Variants in MPPED2 observed in about 807,000 individuals in gnomAD.
The protein encoded by MPPED2 is metallophosphoesterase MPPED2.
MPPED2 carries 5 observed loss-of-function variants against 33.0 expected under a neutral mutation model. The ratio of observed to expected loss-of-function variants is 0.15; its 90% CI spans 0.08 to 0.32. The LOEUF (loss-of-function observed/expected upper bound fraction) is 0.32. Ranked by LOEUF, MPPED2 falls within the 10% of genes least tolerant of loss-of-function variation. The probability of loss-of-function intolerance (pLI) is 1.00; values close to 1 mark genes in which losing one functional copy is unlikely to be tolerated. For synonymous variants in MPPED2, 136 were observed against 141.9 expected (o/e 0.96, Z 0.29); for missense variants, 275 against 372.1 (o/e 0.74, Z 2.15).
intron 6 of MPPED2, among the ~76,000 whole-genome samples, chr11:30,394,694 T>C (rs980148782): frequency 1.3e-5 from 2 of 152,214 alleles, no homozygotes; most frequent in African/African-American, 4.8e-5. Context: ...TTTCTCCCAC[T>C]CTGTAATTTG....
intron 4 of MPPED2, among the ~76,000 whole-genome samples, chr11:30,445,904 C>T (rs1211317781): frequency 6.6e-6 from 1 of 152,194 alleles, no homozygotes; most frequent in Non-Finnish European, 1.5e-5. Flanking sequence ...AATAATGCTG[C>T]TATGAACCTG....
chr11:30,412,479 G>A (rs1948152045), intron 6 of MPPED2, among the ~76,000 whole-genome samples: 1 of 152,022 alleles, frequency 6.6e-6, no homozygotes, highest in Admixed American at 6.6e-5. Flanking sequence ...TAAAAACATA[G>A]CTGTGAAAAA....
intron 2 of MPPED2, among the ~76,000 whole-genome samples, chr11:30,575,326 T>A (rs1251714009): frequency 1.3e-5 from 2 of 152,184 alleles, no homozygotes; most frequent in South Asian, 2.1e-4. Flanking sequence ...ACCATATATA[T>A]TATCATAAAA....
chr11:30,549,532 G>A (rs1361534563), intron 2 of MPPED2, among the ~76,000 whole-genome samples: 1 of 152,182 alleles, frequency 6.6e-6, no homozygotes, highest in Non-Finnish European at 1.5e-5. Flanking sequence ...GTTGCCTACT[G>A]TAGAGACTTG....
At chr11:30,399,879 TA>T (rs1485023423) in intron 6 of MPPED2, among the ~76,000 whole-genome samples, 1 of 152,148 alleles carries the variant, frequency 6.6e-6, no homozygotes, top group East Asian at 1.9e-4. Context: ...ATATACTTTT[TA>T]AAAAAATACC....
chr11:30,586,030 GGGGCGGATTACCTTTCCC>G lies in MPPED2; in HGVS notation c.-128_-122+11del, dbSNP rs1957455363. The G allele has an allele frequency of 6.6e-6, 1 of 152,214 alleles. No individual in the cohort carries two copies. Among genetic ancestry groups the G allele is most frequent in the African/African-American group, 2.4e-5 (1 of 41,448 alleles). The allele number at this position is 152,214 out of a possible 1,614,324, so 9.4% of individuals were successfully genotyped here. The stretch of plus-strand genomic sequence containing the variant: ...TCCCCCGCCCTCCGCCTCCCTTCCC[GGGGCGGATTACCTTTCCC>G]GGGCTGCGCTCCGGATCCCGGGGAT... On this transcript the variant is annotated splice_donor_variant and splice_donor_5th_base_variant and 5_prime_UTR_variant and intron_variant, in exon 1 of 7. Transcript: ENST00000358117. LOFTEE classifies it low-confidence loss of function (5UTR_SPLICE). This position sits in a 1 kb window ranked among gnomAD's most constrained non-coding sequence, Gnocchi z 4.8.
chr11:30,478,343 A>C (rs1279357131), intron 4 of MPPED2, among the ~76,000 whole-genome samples: 1 of 152,144 alleles, frequency 6.6e-6, no homozygotes, highest in Non-Finnish European at 1.5e-5. Context: ...GTGTATTATA[A>C]GAAGCATCTA....
chr11:30,461,851 G>A (rs931499435), intron 4 of MPPED2, among the ~76,000 whole-genome samples: 11 of 152,174 alleles, frequency 7.2e-5, no homozygotes, highest in Non-Finnish European at 1.2e-4. Flanking sequence ...CTGAAGGGAA[G>A]CAACATCTAT....
At chr11:30,522,891 G>T (rs1953952895) in intron 3 of MPPED2, among the ~76,000 whole-genome samples, 1 of 151,906 alleles carries the variant, frequency 6.6e-6, no homozygotes. Context: ...TGACAGCAAG[G>T]TCAGTTAAGT....
chr11:30,454,155 A>G (rs562820947), intron 4 of MPPED2, among the ~76,000 whole-genome samples: 3 of 152,230 alleles, frequency 2.0e-5, no homozygotes, highest in African/African-American at 7.2e-5. Flanking sequence ...AGGAATCTGC[A>G]CCTTAATCCT....
exon 7 of MPPED2, chr11:30,386,763 T>C (rs1244365311): frequency 2.5e-6 from 1 of 398,436 alleles, no homozygotes; most frequent in African/African-American, 2.1e-5. Flanking sequence ...CTCCTGATTA[T>C]GCTGGGTGCA....
chr11:30,417,666 C>A, intron 4 of MPPED2, 33 bp from the exon 5 acceptor site: 1 of 1,270,460 alleles, frequency 7.9e-7, no homozygotes, highest in South Asian at 1.2e-5. Flanking sequence ...GGTATCAGGC[C>A]AGCAGAGCCA....
chr11:30,491,966 C>T (rs1952001915), intron 4 of MPPED2, among the ~76,000 whole-genome samples: 1 of 152,036 alleles, frequency 6.6e-6, no homozygotes, highest in African/African-American at 2.4e-5. Flanking sequence ...AAGAGATGCT[C>T]AATAGGAAAT....
At chr11:30,406,887 A>G (rs1305808533), downstream of MPPED2, among the ~76,000 whole-genome samples, 1 of 152,246 alleles carries the variant, frequency 6.6e-6, no homozygotes, top group Non-Finnish European at 1.5e-5. Context: ...AATTACACAG[A>G]AAGCATCTTA....
chr11:30,555,030 T>G (rs1955900778), intron 2 of MPPED2, among the ~76,000 whole-genome samples: 1 of 152,228 alleles, frequency 6.6e-6, no homozygotes, highest in Non-Finnish European at 1.5e-5. Context: ...CCATGGTATA[T>G]GAAAGCAGAA....
chr11:30,468,068 T>A (rs1451246733), intron 4 of MPPED2, among the ~76,000 whole-genome samples: 1 of 152,196 alleles, frequency 6.6e-6, no homozygotes, highest in Non-Finnish European at 1.5e-5. Context: ...CAAGCTTCAG[T>A]CCTCATGTAC....
chr11:30,549,344 G>A (rs2134609231), intron 2 of MPPED2, among the ~76,000 whole-genome samples: 1 of 152,228 alleles, frequency 6.6e-6, no homozygotes, highest in African/African-American at 2.4e-5. Flanking sequence ...CTTTGGACAG[G>A]AGAATAAACT....
chr11:30,483,429 A>G (rs1174967936), intron 4 of MPPED2, among the ~76,000 whole-genome samples: 30 of 152,218 alleles, frequency 2.0e-4, no homozygotes, highest in Admixed American at 2.0e-3. Context: ...AATGAACCCT[A>G]TGAGTTTTTA....
intron 4 of MPPED2, among the ~76,000 whole-genome samples, chr11:30,444,477 C>T (rs530980004): frequency 5.8e-4 from 82 of 141,366 alleles, no homozygotes; most frequent in African/African-American, 2.2e-3. Flanking sequence ...TTAGAAAAAA[C>T]ACATTTTTCC....
Sources: gnomAD v4.1 joint callset for allele counts (sites outside exome capture counted in the v4.1 genomes callset) on GRCh38, gnomAD v4.1.1 for gene constraint, Gnocchi (gnomAD v3.1) non-coding constraint, MANE v1.5 for transcripts, NCBI Gene and HGNC (gene_info 2026-07-23, HGNC 2026-07-21) for gene names.